The following SIL1 variants were observed in gnomAD, a reference collection of about 807,000 sequenced individuals.
SIL1 encodes nucleotide exchange factor SIL1.
SIL1 carries 40 observed loss-of-function variants against 49.1 expected under a neutral mutation model. The observed-to-expected ratio is 0.81, with a 90% CI of 0.63 to 1.06. The LOEUF (loss-of-function observed/expected upper bound fraction) is 1.06. SIL1 is among the 50% of genes least tolerant of loss of function. The pLI, the probability that SIL1 is intolerant of heterozygous loss-of-function variation, is 0.00. For synonymous variants in SIL1, 253 were observed against 250.8 expected (o/e 1.01, Z -0.08); for missense variants, 500 against 572.6 (o/e 0.87, Z 1.29).
intron 1 of SIL1, among the ~76,000 whole-genome samples, chr5:139,195,419 C>T (rs1456264927): frequency 6.6e-6 from 1 of 152,158 alleles, no homozygotes; most frequent in Admixed American, 6.5e-5. Flanking sequence ...GACGGAGTCT[C>T]GCTCTGTCGC....
chr5:139,136,791 TAAAG>T (rs1286414217), intron 1 of SIL1, among the ~76,000 whole-genome samples: 1 of 152,122 alleles, frequency 6.6e-6, no homozygotes, highest in Non-Finnish European at 1.5e-5. Context: ...AACATTTCAC[TAAAG>T]TCTTAATGAG....
chr5:139,057,276 C>G (rs1454014011), intron 3 of SIL1, among the ~76,000 whole-genome samples: 3 of 133,358 alleles, frequency 2.2e-5, no homozygotes, highest in Non-Finnish European at 4.7e-5. Context: ...ATGACCCAGC[C>G]AAATCCCCCT....
intron 1 of SIL1, among the ~76,000 whole-genome samples, chr5:139,143,306 T>TACACACACACACAC (rs752710937): frequency 8.1e-6 from 1 of 123,742 alleles, no homozygotes; most frequent in South Asian, 2.5e-4. Flanking sequence ...TATACATATA[T>TACACACACACACAC]ACACACACAC....
chr5:138,986,148 C>G (rs1036322600), intron 7 of SIL1, among the ~76,000 whole-genome samples: 9 of 152,168 alleles, frequency 5.9e-5, no homozygotes, highest in African/African-American at 2.2e-4. Context: ...TTATTTCAAA[C>G]CTATACATTA....
chr5:139,174,322 T>G (rs901802647), intron 1 of SIL1, among the ~76,000 whole-genome samples: 1 of 151,528 alleles, frequency 6.6e-6, no homozygotes, highest in African/African-American at 2.4e-5. Flanking sequence ...TATGTCAAGA[T>G]CCCATCTCTA....
At chr5:138,966,993 C>G (rs1384953282) in intron 7 of SIL1, among the ~76,000 whole-genome samples, 1 of 152,186 alleles carries the variant, frequency 6.6e-6, no homozygotes, top group Non-Finnish European at 1.5e-5. Flanking sequence ...ACCAATGGAC[C>G]TGCTGTGAGT....
Position 139,197,288 on chromosome 5 carries a change from A to C in SIL1, c.-11+981T>G, listed in dbSNP as rs567902725. Among the ~76,000 whole-genome samples, 74 of 151,748 alleles carry C rather than the reference A, an allele frequency of 4.9e-4. No individual in the cohort carries two copies. The East Asian group carries it at 0.01, about 21-fold the overall frequency. The stretch of plus-strand genomic sequence containing the variant: ...CGCCTCAAAAAAAAAAAAAAAAAAA[A>C]AAAACTGTTTATAAACACATCACTT... On this transcript the variant is annotated intron_variant, in intron 1 of 9. Coordinates refer to ENST00000394817, the MANE Select transcript of SIL1 (RefSeq NM_022464.5).
At chr5:139,175,789 C>A (rs1751868776) in intron 1 of SIL1, among the ~76,000 whole-genome samples, 1 of 152,066 alleles carries the variant, frequency 6.6e-6, no homozygotes, top group Non-Finnish European at 1.5e-5. Flanking sequence ...ATGGTGAAAA[C>A]CCGTCTCTAC....
chr5:139,139,361 T>C (rs914524191), intron 1 of SIL1, among the ~76,000 whole-genome samples: 1 of 152,134 alleles, frequency 6.6e-6, no homozygotes, highest in African/African-American at 2.4e-5. Context: ...CTGATGTCTC[T>C]AAGCTTCCAG....
intron 3 of SIL1, among the ~76,000 whole-genome samples, chr5:139,084,516 C>T (rs1770165755): frequency 9.7e-6 from 1 of 103,162 alleles, no homozygotes. Context: ...CCATCATTCT[C>T]AGTAAACTAT....
intron 1 of SIL1, among the ~76,000 whole-genome samples, chr5:139,174,937 C>CAAAAAAAAAAAAAAA (rs56959325): frequency 5.0e-5 from 3 of 59,846 alleles, no homozygotes; most frequent in African/African-American, 8.0e-5. Context: ...GACTGTGTCT[C>CAAAAAAAAAAAAAAA]AAAAAAAAAA....
chr5:139,150,951 T>C (rs1034390881), intron 1 of SIL1, among the ~76,000 whole-genome samples: 21 of 152,262 alleles, frequency 1.4e-4, no homozygotes, highest in Admixed American at 8.5e-4. Flanking sequence ...GCTTCATCCC[T>C]ACTCCCTCTG....
rs183268263 is a variant in SIL1 at position 139,107,821 on chromosome 5, T to A, written c.244+13214A>T. ...TGCACCTGGCATCACAGTAAACATT[T>A]CATGTTTACCTTATTTACTATTTAA... On this transcript the variant is annotated intron_variant, in intron 3 of 9. Transcript: ENST00000394817. Among the ~76,000 whole-genome samples the A allele has an allele frequency of 3.2e-3, 495 of 152,350 alleles. 1 individual carries two copies. The highest frequency in any genetic ancestry group is 0.011 in the African/African-American group (451 of 41,574).
At chr5:138,965,000 G>A (rs1767107283) in intron 7 of SIL1, among the ~76,000 whole-genome samples, 1 of 152,226 alleles carries the variant, frequency 6.6e-6, no homozygotes, top group Admixed American at 6.5e-5. Flanking sequence ...GCCCACCAGG[G>A]GCTGAGGGTG....
At chr5:139,074,102 G>A (rs923082716) in intron 3 of SIL1, among the ~76,000 whole-genome samples, 2 of 152,140 alleles carry the variant, frequency 1.3e-5, no homozygotes, top group African/African-American at 4.8e-5. Flanking sequence ...TGTCACCCAG[G>A]CTGGAATGCA....
intron 3 of SIL1, among the ~76,000 whole-genome samples, chr5:139,085,927 A>G (rs1010164397): frequency 2.0e-5 from 3 of 152,174 alleles, no homozygotes; most frequent in Non-Finnish European, 4.4e-5. Context: ...AAAAGGAGTC[A>G]GGAAAGAGCT....
rs76597876 is a variant in SIL1 at position 139,038,145 on chromosome 5, T to C, written c.453+4475A>G. Among the ~76,000 whole-genome samples, 667 of 152,314 alleles carry C rather than the reference T, an allele frequency of 4.4e-3. 7 individuals carry two copies. Among genetic ancestry groups the C allele is most frequent in the African/African-American group, 0.015 (635 of 41,574 alleles). On this transcript the variant is annotated intron_variant, in intron 5 of 9. Transcript: ENST00000394817. ...AAAGGTCCCACCTCCAAACATCACA[T>C]TGCAGGGTTAGGGCTTCAACTTATA...
chr5:139,145,342 T>C (rs987559756), intron 1 of SIL1, among the ~76,000 whole-genome samples: 1 of 152,208 alleles, frequency 6.6e-6, no homozygotes, highest in African/African-American at 2.4e-5. Context: ...TTGGTGAAGA[T>C]GTGAAGAAAC....
At chr5:139,191,763 C>A (rs1270408226) in intron 1 of SIL1, among the ~76,000 whole-genome samples, 2 of 151,984 alleles carry the variant, frequency 1.3e-5, no homozygotes, top group Non-Finnish European at 2.9e-5. Context: ...TATACTCCAG[C>A]GTGGGCAACA....
Sources: allele counts gnomAD v4.1 joint callset (sites outside exome capture counted in the v4.1 genomes callset), GRCh38; gene constraint gnomAD v4.1.1; transcripts MANE v1.5; gene names NCBI Gene and HGNC (gene_info 2026-07-23, HGNC 2026-07-21).